The following FUT8 variants were observed in gnomAD, a reference collection of about 807,000 sequenced individuals.
FUT8 encodes alpha-(1,6)-fucosyltransferase.
A neutral mutation model predicts 71.3 loss-of-function variants in FUT8; 29 were observed. The observed-to-expected ratio is 0.41, with a 90% confidence interval of 0.30 to 0.55. The LOEUF is 0.55. Among genes scored for constraint, FUT8 ranks in the 20% least tolerant of loss-of-function variants. FUT8 has a pLI of 0.34. For synonymous variants in FUT8, 254 were observed against 239.3 expected (o/e 1.06, Z -0.57); for missense variants, 544 against 702.1 (o/e 0.77, Z 2.55).
chr14:65,540,376 A>T (rs1057324886), intron 2 of FUT8, among the ~76,000 whole-genome samples: 1 of 152,234 alleles, frequency 6.6e-6, no homozygotes, highest in Non-Finnish European at 1.5e-5. Flanking sequence ...GTGTACTTCT[A>T]AAAGACAGTG....
Position 65,577,465 on chromosome 14 carries a change from T to C in FUT8, c.203+15699T>C, listed in dbSNP as rs199919969. Among the ~76,000 whole-genome samples, 181 of 152,246 alleles carry C rather than the reference T, an allele frequency of 1.2e-3. 1 individual carries two copies. The highest frequency in any genetic ancestry group is 9.7e-3 in the Admixed American group (148 of 15,288). On this transcript the variant is annotated intron_variant, in intron 3 of 10. Transcript: ENST00000673929. ...CTTCACTTTAAAAATGGCAATAATATCTATTTTGCAATAAGTTTAAAATGA... is the reference window on the plus strand; with the variant it reads ...CTTCACTTTAAAAATGGCAATAATACCTATTTTGCAATAAGTTTAAAATGA...
chr14:65,539,047 A>G (rs538020301), intron 2 of FUT8, among the ~76,000 whole-genome samples: 110 of 152,358 alleles, frequency 7.2e-4, no homozygotes, highest in African/African-American at 2.6e-3. Context: ...GAAGACATTT[A>G]ATTATTCAAG....
At chr14:65,578,990 C>G (rs957497272) in intron 3 of FUT8, among the ~76,000 whole-genome samples, 2 of 152,008 alleles carry the variant, frequency 1.3e-5, no homozygotes, top group African/African-American at 4.8e-5. Context: ...TGGTGAAAAA[C>G]TGAGGTACAT....
intron 2 of FUT8, among the ~76,000 whole-genome samples, chr14:65,458,700 G>A (rs1049530733): frequency 1.3e-5 from 2 of 151,672 alleles, no homozygotes; most frequent in African/African-American, 4.8e-5. Context: ...AATTTTCATA[G>A]TATCTCTGTA....
chr14:65,593,109 C>T (rs35422847), intron 3 of FUT8, among the ~76,000 whole-genome samples: 2 of 152,096 alleles, frequency 1.3e-5, no homozygotes, highest in African/African-American at 4.8e-5. Flanking sequence ...TTATAATCCC[C>T]AACATAATTC....
At chr14:65,683,403 A>T (rs1290430237) in intron 7 of FUT8, among the ~76,000 whole-genome samples, 4 of 152,296 alleles carry the variant, frequency 2.6e-5, no homozygotes, top group African/African-American at 9.6e-5. Context: ...TTTGAAGAAT[A>T]TTGGCAAAAG....
At chr14:65,383,929 G>A in the FUT8 span, among the ~76,000 whole-genome samples, 1 of 149,990 alleles carries the variant, frequency 6.7e-6, no homozygotes, top group South Asian at 2.1e-4. Flanking sequence ...CTCAGTGCAA[G>A]TTGGAGCCAT....
chr14:65,651,570 A>G (rs1350421062), intron 6 of FUT8, among the ~76,000 whole-genome samples: 1 of 152,238 alleles, frequency 6.6e-6, no homozygotes, highest in African/African-American at 2.4e-5. Flanking sequence ...CACTACACTA[A>G]GTTGACACAG....
intron 3 of FUT8, among the ~76,000 whole-genome samples, chr14:65,590,828 C>A (rs977207860): frequency 1.3e-5 from 2 of 152,118 alleles, no homozygotes; most frequent in African/African-American, 4.8e-5. Flanking sequence ...ATTCTTTCAC[C>A]TTCTGGCACT....
the FUT8 span, among the ~76,000 whole-genome samples, chr14:65,369,146 C>A: frequency 2.0e-5 from 3 of 152,144 alleles, no homozygotes; most frequent in Non-Finnish European, 4.4e-5. This position sits in a 1 kb window ranked among gnomAD's most constrained non-coding sequence, Gnocchi z 4.6. Context: ...TGCCTAATAA[C>A]CACATGCGGC....
Position 65,719,114 on chromosome 14 carries a change from T to A in FUT8, c.836-2661T>A, listed in dbSNP as rs75382613. 5.0e-3 allele frequency among the ~76,000 whole-genome samples: 754 copies of A among 152,310 alleles called. 8 individuals carry two copies. The highest frequency in any genetic ancestry group is 0.017 in the African/African-American group (716 of 41,570). ...ACTGTTAGATTTGCCCTTTTGAAAC[T>A]ATTATTTAGATCTTATAGGCATGCT... On this transcript the variant is annotated intron_variant, in intron 7 of 10. Coordinates refer to ENST00000673929, the MANE Select transcript of FUT8 (RefSeq NM_001371533.1).
the FUT8 span, among the ~76,000 whole-genome samples, chr14:65,374,346 A>G: frequency 1.1e-4 from 17 of 152,200 alleles, no homozygotes; most frequent in African/African-American, 4.1e-4. Context: ...ATAATGTACT[A>G]CATACTCAAA....
intron 7 of FUT8, among the ~76,000 whole-genome samples, chr14:65,703,099 T>C (rs1461387980): frequency 1.3e-5 from 2 of 152,246 alleles, no homozygotes; most frequent in African/African-American, 4.8e-5. Flanking sequence ...GAAGTCTTCC[T>C]TTGTAAATTC....
At chr14:65,464,191 C>T (rs957521753) in intron 2 of FUT8, among the ~76,000 whole-genome samples, 5 of 150,980 alleles carry the variant, frequency 3.3e-5, no homozygotes, top group African/African-American at 9.7e-5. Flanking sequence ...CCAAATATCT[C>T]CCCCTTTTAT....
chr14:65,558,958 A>G (rs1885753418), intron 2 of FUT8, among the ~76,000 whole-genome samples: 1 of 152,168 alleles, frequency 6.6e-6, no homozygotes, highest in Admixed American at 6.5e-5. Context: ...ATATTGATAT[A>G]TAATATAGTA....
intron 2 of FUT8, among the ~76,000 whole-genome samples, chr14:65,493,485 A>C (rs951139515): frequency 1.3e-5 from 2 of 152,128 alleles, no homozygotes; most frequent in African/African-American, 4.8e-5. Flanking sequence ...CTTGACAAAA[A>C]AGGAAATAAT....
chr14:65,570,936 C>T (rs1204790136), intron 3 of FUT8, among the ~76,000 whole-genome samples: 1 of 152,086 alleles, frequency 6.6e-6, no homozygotes, highest in East Asian at 1.9e-4. Context: ...GCTGAGCATT[C>T]AGACTGTGTT....
chr14:65,402,849 C>A, the FUT8 span, among the ~76,000 whole-genome samples: 1 of 152,084 alleles, frequency 6.6e-6, no homozygotes, highest in Non-Finnish European at 1.5e-5. Context: ...ACAAGTTAAC[C>A]CCACTTGACC....
upstream of FUT8, chr14:65,410,823 G>A (rs2065115244): frequency 1.3e-5 from 2 of 151,618 alleles, no homozygotes; most frequent in Admixed American, 1.3e-4. Context: ...ATGTTGCCCA[G>A]GCTGAAGTGG....
Sources: gnomAD v4.1 joint callset for allele counts (sites outside exome capture counted in the v4.1 genomes callset) on GRCh38, gnomAD v4.1.1 for gene constraint, Gnocchi (gnomAD v3.1) non-coding constraint, MANE v1.5 for transcripts, NCBI Gene and HGNC (gene_info 2026-07-23, HGNC 2026-07-21) for gene names.